MEIS1: variants seen among roughly 807,000 people sequenced by gnomAD.
MEIS1 encodes the protein homeobox protein Meis1.
Under a neutral mutation model 50.8 loss-of-function variants are expected in MEIS1, and 5 were observed. That is an observed-to-expected ratio of 0.10 (90% CI 0.05 to 0.21). The LOEUF (loss-of-function observed/expected upper bound fraction) is 0.21. Ranked by LOEUF, MEIS1 falls within the 10% of genes least tolerant of loss-of-function variation. MEIS1 has a pLI of 1.00. For synonymous variants in MEIS1, 176 were observed against 179.3 expected, an observed-to-expected ratio of 0.98 and a Z score of 0.15; for missense variants, 318 against 517.3, an observed-to-expected ratio of 0.61 and a Z score of 3.74.
At chr2:66,509,011 C>T (rs1474037361) in intron 7 of MEIS1, 1 of 471,048 alleles carries the variant, frequency 2.1e-6, no homozygotes, top group African/African-American at 2.0e-5. Context: ...TGTGGTCGGC[C>T]GGCGGTTCTC....
At chr2:66,448,190 C>T (rs1672196629) in intron 6 of MEIS1, among the ~76,000 whole-genome samples, 3 of 152,240 alleles carry the variant, frequency 2.0e-5, no homozygotes, top group African/African-American at 7.2e-5. Flanking sequence ...AAAAAAGTAA[C>T]TGAAATATCA....
At chr2:66,513,202 T>A (rs912183528) in intron 8 of MEIS1, among the ~76,000 whole-genome samples, 4 of 152,188 alleles carry the variant, frequency 2.6e-5, no homozygotes, top group Non-Finnish European at 5.9e-5. Flanking sequence ...AAAGGATGAA[T>A]TTAGACAGGT....
intron 6 of MEIS1, among the ~76,000 whole-genome samples, chr2:66,457,584 G>A (rs1016573129): frequency 2.9e-4 from 44 of 152,118 alleles, no homozygotes; most frequent in Admixed American, 2.8e-3. Flanking sequence ...ATTGAGGAGT[G>A]TATAAGAAAT....
chr2:66,520,064 C>A (rs1158331572), intron 8 of MEIS1, among the ~76,000 whole-genome samples: 1 of 152,088 alleles, frequency 6.6e-6, no homozygotes, highest in African/African-American at 2.4e-5. Context: ...TTGGGATGTC[C>A]AGAGACCAGC....
At chr2:66,498,228 T>C (rs1000585015) in intron 7 of MEIS1, among the ~76,000 whole-genome samples, 8 of 152,162 alleles carry the variant, frequency 5.3e-5, no homozygotes, top group Admixed American at 2.0e-4. Context: ...GCTAAGCCAC[T>C]GCTGCCAAAC....
At chr2:66,512,094 T>A in intron 7 of MEIS1, 55 bp from the exon 8 acceptor site, 1 of 1,484,658 alleles carries the variant, frequency 6.7e-7, no homozygotes, top group Non-Finnish European at 9.0e-7. Flanking sequence ...GCATTCTATT[T>A]GAATAAAGCA....
At chr2:66,482,195 TCTA>T (rs1327354739) in intron 7 of MEIS1, among the ~76,000 whole-genome samples, 1 of 152,100 alleles carries the variant, frequency 6.6e-6, no homozygotes, top group Non-Finnish European at 1.5e-5. Context: ...TTACTGAAAA[TCTA>T]CTATGTGCCA....
intron 1 of MEIS1, chr2:66,437,262 C>T (rs1009986117): frequency 6.4e-6 from 1 of 155,326 alleles, no homozygotes; most frequent in South Asian, 2.0e-4. Context: ...ACGTGCTTTG[C>T]GTAGCTGTTC....
intron 8 of MEIS1, among the ~76,000 whole-genome samples, chr2:66,536,174 G>A (rs1029262938): frequency 5.3e-5 from 8 of 152,096 alleles, no homozygotes; most frequent in Non-Finnish European, 1.0e-4. Context: ...CATAAACCCC[G>A]GGATCTGTGG....
chr2:66,528,007 G>A (rs1008585472), intron 8 of MEIS1, among the ~76,000 whole-genome samples: 44 of 152,132 alleles, frequency 2.9e-4, no homozygotes, highest in African/African-American at 1.0e-3. Context: ...ATAGAAAGCT[G>A]GAGTGAACAG....
intron 3 of MEIS1, 96 bp downstream of exon 3, chr2:66,440,080 CA>C: frequency 9.1e-7 from 1 of 1,102,698 alleles, no homozygotes; most frequent in Non-Finnish European, 1.3e-6. Flanking sequence ...CACACACACA[CA>C]CACACACACA....
intron 5 of MEIS1, 78 bp from the exon 6 acceptor site, chr2:66,442,824 G>C: frequency 7.3e-7 from 1 of 1,361,422 alleles, no homozygotes; most frequent in Non-Finnish European, 9.8e-7. Flanking sequence ...ATCTCACAAG[G>C]GGGGTGGATT....
intron 6 of MEIS1, 96 bp from the exon 7 acceptor site, chr2:66,464,012 CT>C (rs1672579730): frequency 3.6e-6 from 3 of 832,454 alleles, no homozygotes; most frequent in Non-Finnish European, 4.0e-6. Context: ...TGGTTATGTG[CT>C]CCAGCCCTCC....
In MEIS1 at chr2:66,437,911, A is replaced by T. The variant is rs1271023233; in HGVS notation, c.187A>T (p.Met63Leu). 20 of 1,605,516 alleles carry T rather than the reference A, an allele frequency of 1.2e-5. No homozygotes were observed. The highest frequency in any genetic ancestry group is 1.6e-5 in the Non-Finnish European group (19 of 1,175,982). Reference sequence around the variant, plus strand: ...TCATACCAACGCCATGGCCCCCAGCATGGGCTCCTCTGTCAATGACGCTTT... The same window carrying T: ...TCATACCAACGCCATGGCCCCCAGCTTGGGCTCCTCTGTCAATGACGCTTT... The part of the protein sequence containing the change: ...TAHTNAMAPS[M>L]GSSVNDALKR... Residue 63 changes from methionine (M) to leucine (L), a missense_variant, in exon 2 of 13, where the codon ATG becomes TTG. Physicochemically the swap from Met to Leu is conservative, Grantham distance 15 (BLOSUM62 2). Transcript: ENST00000272369.
intron 6 of MEIS1, among the ~76,000 whole-genome samples, chr2:66,459,854 C>T (rs1672478811): frequency 6.6e-6 from 1 of 152,126 alleles, no homozygotes; most frequent in African/African-American, 2.4e-5. Context: ...AGTCCACTTT[C>T]GGACTTCTTG....
chr2:66,487,021 A>G (rs1673159409), intron 7 of MEIS1, among the ~76,000 whole-genome samples: 1 of 152,180 alleles, frequency 6.6e-6, no homozygotes, highest in African/African-American at 2.4e-5. Flanking sequence ...TTCTAAATAT[A>G]CAATCATGTC....
intron 9 of MEIS1, among the ~76,000 whole-genome samples, chr2:66,560,378 G>A (rs916892068): frequency 6.6e-6 from 1 of 151,650 alleles, no homozygotes; most frequent in African/African-American, 2.4e-5. Flanking sequence ...TTGAGCTCAG[G>A]AGTTTGAGAT....
At chr2:66,505,444 T>C (rs1034507942) in intron 7 of MEIS1, among the ~76,000 whole-genome samples, 1 of 152,092 alleles carries the variant, frequency 6.6e-6, no homozygotes, top group African/African-American at 2.4e-5. Context: ...GGGGCTGTAT[T>C]ATGTCTTCAG....
chr2:66,547,077 A>G (rs1057130299), intron 8 of MEIS1, among the ~76,000 whole-genome samples: 1 of 152,224 alleles, frequency 6.6e-6, no homozygotes, highest in Non-Finnish European at 1.5e-5. Flanking sequence ...TAATGTCTCT[A>G]TAGATGGAAA....
Sources: gnomAD v4.1 joint callset for allele counts (sites outside exome capture counted in the v4.1 genomes callset) on GRCh38, gnomAD v4.1.1 for gene constraint, MANE v1.5 for transcripts, NCBI Gene and HGNC (gene_info 2026-07-23, HGNC 2026-07-21) for gene names.